MYO15A: variants seen among roughly 807,000 people sequenced by gnomAD.
MYO15A encodes the protein unconventional myosin-XV.
In MYO15A, 308 loss-of-function variants were observed where a neutral mutation model predicts 394.6. The observed-to-expected ratio is 0.78, with a 90% CI of 0.71 to 0.86. The LOEUF is 0.86. Among genes scored for constraint, MYO15A ranks in the 40% least tolerant of loss-of-function variants. The pLI, the probability that MYO15A is intolerant of heterozygous loss-of-function variation, is 0.00. For missense variants in MYO15A, 4,606 were observed against 4,799.1 expected (o/e 0.96, Z 1.19); for synonymous variants, 1,957 against 2,003.8 (o/e 0.98, Z 0.62).
rs1432541983 is a variant in MYO15A, at chr17:18,121,268, C to T, written c.2468C>T (p.Ser823Phe). The change falls in exon 2 of 66, where the codon TCC becomes TTC. Residue 823 changes from serine (S) to phenylalanine (F), a missense_variant. Ser to Phe is a radical substitution (Grantham distance 155). Around this residue, in one of 2 missense-constraint regions of MYO15A, gnomAD observed 1,830 missense variants for 1,689.7 expected, o/e 1.08. Coordinates refer to ENST00000647165, the MANE Select transcript of MYO15A (RefSeq NM_016239.4). The surrounding 1 kb of genome is among the most constrained non-coding windows in gnomAD (Gnocchi z 5.3). ...PARRPRSLQE[S>F]PAPRRAAGRL... The stretch of plus-strand genomic sequence containing the variant: ...CGCCGGCCCCGCTCGCTGCAGGAGT[C>T]CCCAGCCCCACGCCGAGCCGCTGGG... 7.1e-7 allele frequency: 1 copy of T among 1,414,618 alleles called. No individual in the cohort carries two copies. The highest frequency in any genetic ancestry group is 1.4e-5 in the South Asian group (1 of 71,484). The allele number at this position is 1,414,618 out of a possible 1,614,324, so 87.6% of individuals were successfully genotyped here.
chr17:18,172,055 C>T, intron 63 of MYO15A, 102 bp from the exon 64 acceptor site: 1 of 1,588,098 alleles, frequency 6.3e-7, no homozygotes, highest in South Asian at 1.1e-5. Flanking sequence ...AGGGCTTCTG[C>T]ACTGGCTGGA....
intron 7 of MYO15A, among the ~76,000 whole-genome samples, chr17:18,130,281 T>A (rs2046130841): frequency 6.6e-6 from 1 of 152,068 alleles, no homozygotes; most frequent in South Asian, 2.1e-4. Flanking sequence ...AAACAGTAGA[T>A]CCGTGCCTGT....
intron 15 of MYO15A, 86 bp downstream of exon 15, chr17:18,136,772 T>C (rs993290966): frequency 2.7e-6 from 4 of 1,508,184 alleles, no homozygotes; most frequent in Non-Finnish European, 3.6e-6. Context: ...TTCCCATCCC[T>C]TTCTGTGCCT....
chr17:18,155,629 C>A (rs1399120736), intron 47 of MYO15A, among the ~76,000 whole-genome samples, 197 bp downstream of exon 47: 2 of 152,140 alleles, frequency 1.3e-5, no homozygotes, highest in African/African-American at 4.8e-5. Flanking sequence ...GTCACACAGC[C>A]AGGAAGGGAT....
Position 18,147,675 on chromosome 17 carries a change from A to G in MYO15A, c.6510-354A>G, listed in dbSNP as rs1187528668. On this transcript the variant is annotated intron_variant, in intron 30 of 65. Transcript: ENST00000647165. The surrounding 1 kb of genome is among the most constrained non-coding windows in gnomAD (Gnocchi z 4.4). ...AGCTGCAGACCCCAGCCTGTCAATG[A>G]CATTTTGTTCCAACAAGCTGGTACC... Among the ~76,000 whole-genome samples the G allele has an allele frequency of 6.6e-6, 1 of 152,162 alleles. No homozygotes were observed. The highest frequency in any genetic ancestry group is 1.5e-5 in the Non-Finnish European group (1 of 68,018).
rs776755895 is a variant in MYO15A at position 18,140,832 on chromosome 17, GGTGA to G, written c.5406+6_5406+9del. Reference sequence around the variant, plus strand: ...GTTGCCTGAAGCCCAACCACAAGAAGGTGAGTGAGAGCTGAGGCCTCTGAGAGAG... The same window carrying G: ...GTTGCCTGAAGCCCAACCACAAGAAGGTGAGAGCTGAGGCCTCTGAGAGAG... On this transcript the variant is annotated splice_donor_variant and splice_donor_region_variant and intron_variant, in intron 21 of 65. Transcript: ENST00000647165. LOFTEE classifies it high-confidence loss of function. 8.1e-6 allele frequency: 13 copies of G among 1,614,126 alleles called. No homozygotes were observed. The East Asian group carries it at 1.3e-4, about 17-fold the overall frequency.
chr17:18,117,117 G>A lies in MYO15A; in HGVS notation c.-219-1465G>A, dbSNP rs1597745139. Among the ~76,000 whole-genome samples, 1 of 152,224 alleles carries A rather than the reference G, an allele frequency of 6.6e-6. No individual in the cohort carries two copies. The highest frequency in any genetic ancestry group is 1.9e-4 in the East Asian group (1 of 5,172). On this transcript the variant is annotated intron_variant, in intron 1 of 65. Coordinates refer to ENST00000647165, the MANE Select transcript of MYO15A (RefSeq NM_016239.4). This position sits in a 1 kb window ranked among gnomAD's most constrained non-coding sequence, Gnocchi z 4.1. ...ATCCAATTTCTCTGGTTTCCATCAA[G>A]CCCCACTCCCCATCCCTGTGAGACT...
intron 33 of MYO15A, 131 bp from the exon 34 acceptor site, chr17:18,149,085 G>T: frequency 1.4e-6 from 2 of 1,480,116 alleles, no homozygotes; most frequent in South Asian, 1.2e-5. Flanking sequence ...AGGTTCTTAA[G>T]GAGGTAGAGT....
At chr17:18,149,627 T>G (rs753975600) in intron 35 of MYO15A, 47 bp downstream of exon 35, 1 of 1,577,312 alleles carries the variant, frequency 6.3e-7, no homozygotes, top group South Asian at 1.1e-5. Flanking sequence ...AGGCACAGCA[T>G]GTACACCCAA....
At chr17:18,136,532 C>T (rs2046276620) in intron 14 of MYO15A, 31 bp from the exon 15 acceptor site, 1 of 1,613,926 alleles carries the variant, frequency 6.2e-7, no homozygotes, top group Non-Finnish European at 8.5e-7. Context: ...ACCACGGTGT[C>T]CTGCTCACAC....
rs184435771 is a variant in MYO15A at position 18,154,714 on chromosome 17, G to A, written c.8183G>A (p.Arg2728His). 9.1e-5 allele frequency: 147 copies of A among 1,613,724 alleles called. No homozygotes were observed. The highest frequency in any genetic ancestry group is 8.0e-5 in the African/African-American group (6 of 75,028). The change falls in exon 45 of 66, where the codon CGC (arginine) becomes CAC (histidine). Residue 2728 changes from arginine to histidine, a missense_variant. By Grantham distance (29) the Arg-to-His change is conservative (BLOSUM62 0). Coordinates refer to ENST00000647165, the MANE Select transcript of MYO15A (RefSeq NM_016239.4). ...LHDTLSEACL[R>H]ISEDERLRMK... is the part of the protein sequence containing the mutation. ...GACACGCTCTCCGAGGCCTGCCTTC[G>A]CATCTCTGAGGATGAGAGGCTCAGG...
At chr17:18,126,769 C>T in intron 5 of MYO15A, 22 bp from the exon 6 acceptor site, 2 of 1,613,836 alleles carry the variant, frequency 1.2e-6, no homozygotes, top group Non-Finnish European at 1.7e-6. Context: ...CAGGGGCCAG[C>T]TCTAATGACC....
rs767378045 is a variant in MYO15A at position 18,121,256 on chromosome 17, C to G, written c.2456C>G (p.Ser819Trp). Residue 819 changes from serine (S) to tryptophan (W), a missense_variant, in exon 2 of 66, where the codon TCG (serine) becomes TGG (tryptophan). Around this residue, in one of 2 missense-constraint regions of MYO15A, gnomAD observed 1,830 missense variants for 1,689.7 expected, o/e 1.08. Coordinates refer to ENST00000647165, the MANE Select transcript of MYO15A (RefSeq NM_016239.4). The surrounding 1 kb of genome is among the most constrained non-coding windows in gnomAD (Gnocchi z 5.3). ...PFLPPARRPR[S>W]LQESPAPRRA... is the part of the protein sequence containing the mutation. ...CTGCCCCCGGCCCGCCGGCCCCGCT[C>G]GCTGCAGGAGTCCCCAGCCCCACGC... 97 of 1,467,052 alleles carry G rather than the reference C, an allele frequency of 6.6e-5. No individual in the cohort carries two copies. The highest frequency in any genetic ancestry group is 8.4e-5 in the Non-Finnish European group (94 of 1,113,350). The allele number at this position is 1,467,052 out of a possible 1,614,324, so 90.9% of individuals were successfully genotyped here.
intron 44 of MYO15A, 134 bp from the exon 45 acceptor site, chr17:18,154,546 G>T (rs2046640175): frequency 2.2e-6 from 2 of 891,192 alleles, no homozygotes; most frequent in South Asian, 2.7e-5. Flanking sequence ...TTACACAGAT[G>T]ACCCAGCTTA....
chr17:18,140,621 C>G lies in MYO15A; in HGVS notation c.5316C>G (p.Ala1772=). The change falls in exon 20 of 66, where the codon GCC becomes GCG. Residue 1772 remains alanine, a synonymous_variant. Transcript: ENST00000647165. ...TRLYKAHTVA[A]KFQQSLLDLV... is the part of the protein sequence containing the mutation. Reference sequence around the variant, plus strand: ...TCTACAAGGCGCACACTGTGGCCGCCAAGTTCCAGCAGTCACTCCTGGATC... The same window carrying G: ...TCTACAAGGCGCACACTGTGGCCGCGAAGTTCCAGCAGTCACTCCTGGATC... The G allele has an allele frequency of 6.2e-7, 1 of 1,613,850 alleles. No individual in the cohort carries two copies. The highest frequency in any genetic ancestry group is 8.5e-7 in the Non-Finnish European group (1 of 1,180,050).
intron 51 of MYO15A, 82 bp from the exon 52 acceptor site, chr17:18,158,441 A>T (rs2046721522): frequency 1.6e-6 from 2 of 1,242,288 alleles, no homozygotes; most frequent in South Asian, 1.2e-5. Context: ...CCAGTCAGCT[A>T]GGGGTTGCGT....
rs1259983870 is a variant in MYO15A, at chr17:18,120,936, G to T, written c.2136G>T (p.Pro712=). The change falls in exon 2 of 66, where the codon CCG becomes CCT. Residue 712 remains proline, a synonymous_variant. Coordinates refer to ENST00000647165, the MANE Select transcript of MYO15A (RefSeq NM_016239.4). ...PPWAAPAHVP[P]APQASWWAFV... is the part of the protein sequence containing the mutation. ...GGGCCGCCCCAGCGCACGTGCCACC[G>T]GCGCCGCAGGCCAGCTGGTGGGCCT... 1.2e-5 allele frequency: 18 copies of T among 1,470,616 alleles called. No homozygotes were observed. The highest frequency in any genetic ancestry group is 2.2e-4 in the Middle Eastern group (1 of 4,446). The allele number at this position is 1,470,616 out of a possible 1,614,324, so 91.1% of individuals were successfully genotyped here.
intron 26 of MYO15A, 33 bp downstream of exon 26, chr17:18,143,652 G>A (rs1325131571): frequency 6.4e-7 from 1 of 1,569,918 alleles, no homozygotes; most frequent in Non-Finnish European, 8.6e-7. Flanking sequence ...GCAGGGCCAA[G>A]GAGGGAGGCT....
chr17:18,150,475 G>A lies in MYO15A; in HGVS notation c.7259G>A (p.Gly2420Asp). 1 of 1,614,132 alleles carries A rather than the reference G, an allele frequency of 6.2e-7. No homozygotes were observed. Among genetic ancestry groups the A allele is most frequent in the Non-Finnish European group, 8.5e-7 (1 of 1,179,998 alleles). ...TAIAYRMKGGGQPGGGSSSGT... is the reference protein window; with the variant it reads ...TAIAYRMKGGDQPGGGSSSGT... ...ATTGCCTACCGCATGAAAGGGGGAG[G>A]CCAGCCCGGTGGAGGCAGCAGTAGT... is the stretch of plus-strand genomic sequence containing the variant. The change falls in exon 36 of 66, where the codon GGC (glycine) becomes GAC (aspartate). Residue 2420 changes from glycine (G) to aspartate (D), a missense_variant. Gly to Asp is a moderately conservative substitution (Grantham distance 94). Coordinates refer to ENST00000647165, the MANE Select transcript of MYO15A (RefSeq NM_016239.4). The surrounding 1 kb of genome is among the most constrained non-coding windows in gnomAD (Gnocchi z 4.4).
Sources: allele counts gnomAD v4.1 joint callset (sites outside exome capture counted in the v4.1 genomes callset), GRCh38; gene constraint gnomAD v4.1.1; regional missense constraint gnomAD v4.1.1; non-coding constraint Gnocchi (gnomAD v3.1); transcripts MANE v1.5; gene names NCBI Gene and HGNC (gene_info 2026-07-23, HGNC 2026-07-21).